VGLL3: variants seen among roughly 807,000 people sequenced by gnomAD.
The protein encoded by VGLL3 is vestigial like family member 3.
Under a neutral mutation model 29.2 loss-of-function variants are expected in VGLL3, and 18 were observed. The observed-to-expected ratio is 0.62, with a 90% CI of 0.43 to 0.91. The LOEUF is 0.91. VGLL3 is among the 40% of genes least tolerant of loss of function. The pLI, the probability that VGLL3 is intolerant of heterozygous loss-of-function variation, is 0.00. For missense variants in VGLL3, 440 were observed against 413.2 expected (o/e 1.06, Z -0.56); for synonymous variants, 180 against 151.8 (o/e 1.19, Z -1.36).
At chr3:86,962,281 T>C (rs1704865600) in intron 3 of VGLL3, 3 of 985,352 alleles carry the variant, frequency 3.0e-6, no homozygotes, top group Non-Finnish European at 3.6e-6. Context: ...AAGAGTGAGC[T>C]CGCATGACAG....
chr3:86,939,408 C>T lies in VGLL3; in HGVS notation c.*7616G>A, dbSNP rs1704345370. On this transcript the variant is annotated 3_prime_UTR_variant, in exon 4 of 4. Coordinates refer to ENST00000398399, the MANE Select transcript of VGLL3 (RefSeq NM_016206.4). ...TTGGGAGGCCAAGGCAGGCAGATCA[C>T]GAGGTCAGGAGACGGAGACCATCCT... The T allele has an allele frequency of 6.6e-6, 1 of 152,284 alleles. No homozygotes were observed. The highest frequency in any genetic ancestry group is 1.5e-5 in the Non-Finnish European group (1 of 68,136). The allele number at this position is 152,284 out of a possible 1,614,324, so 9.4% of individuals were successfully genotyped here. A position where few individuals can be genotyped will look rare whatever the true frequency, so the allele number is the denominator to read the frequency against.
chr3:86,954,174 A>G (rs1397655002), intron 3 of VGLL3, among the ~76,000 whole-genome samples: 1 of 152,236 alleles, frequency 6.6e-6, no homozygotes. Context: ...GAACTTGTCA[A>G]AATGTCTTTA....
Position 86,991,024 on chromosome 3 carries a change from C to T in VGLL3, c.-281G>A. On this transcript the variant is annotated 5_prime_UTR_variant, in exon 1 of 4. Coordinates refer to ENST00000398399, the MANE Select transcript of VGLL3 (RefSeq NM_016206.4). ...GGCTCAGGGACGCAGCCGCCCGCTG[C>T]GCCGCTGGGGCATTACCGCGTCCGG... The T allele has an allele frequency of 1.2e-6, 1 of 809,642 alleles. No homozygotes were observed. Among genetic ancestry groups the T allele is most frequent in the Non-Finnish European group, 1.5e-6 (1 of 663,976 alleles). 50.2% of individuals were successfully genotyped at this position (809,642 alleles called of 1,614,324 possible).
At chr3:86,984,418 A>T (rs900103336) in intron 1 of VGLL3, among the ~76,000 whole-genome samples, 5 of 152,198 alleles carry the variant, frequency 3.3e-5, no homozygotes, top group Admixed American at 3.3e-4. Context: ...TCAAAAAATC[A>T]AACCTAACCC....
intron 3 of VGLL3, among the ~76,000 whole-genome samples, chr3:86,961,587 C>T (rs1704844736): frequency 6.6e-6 from 1 of 152,116 alleles, no homozygotes; most frequent in Non-Finnish European, 1.5e-5. Flanking sequence ...TACACGATCA[C>T]AAATATTTCC....
rs181852557 is a variant in VGLL3, at chr3:86,967,181, A to G, written c.937+1409T>C. On this transcript the variant is annotated intron_variant, in intron 3 of 3. Coordinates refer to ENST00000398399, the MANE Select transcript of VGLL3 (RefSeq NM_016206.4). ...CTAAGAGCATTGTTGCTGTTGCCAC[A>G]TAAGTACCACATAAAACAGAGAAGA... Among the ~76,000 whole-genome samples the G allele has an allele frequency of 1.3e-3, 191 of 152,278 alleles. 4 individuals are homozygous for G. Among genetic ancestry groups the G allele is most frequent in the South Asian group, 0.011 (51 of 4,816 alleles).
At chr3:86,981,916 C>G (rs1450695342) in intron 1 of VGLL3, among the ~76,000 whole-genome samples, 1 of 152,108 alleles carries the variant, frequency 6.6e-6, no homozygotes, top group Non-Finnish European at 1.5e-5. Flanking sequence ...ATAAGAATCT[C>G]AAAGTATCCA....
At chr3:86,988,569 T>C (rs1460295245) in intron 1 of VGLL3, among the ~76,000 whole-genome samples, 2 of 139,146 alleles carry the variant, frequency 1.4e-5, no homozygotes, top group Non-Finnish European at 3.0e-5. Flanking sequence ...AAAAGAACAG[T>C]AGTTACACTG....
At chr3:86,962,599 T>C (rs938689249) in intron 3 of VGLL3, 10 of 958,090 alleles carry the variant, frequency 1.0e-5, no homozygotes, top group Non-Finnish European at 1.1e-5. Flanking sequence ...ATTGCATATA[T>C]ATGCTCTTTG....
chr3:86,988,586 C>CTTTTT (rs575096632), intron 1 of VGLL3, among the ~76,000 whole-genome samples: 1 of 110,226 alleles, frequency 9.1e-6, no homozygotes, highest in Non-Finnish European at 1.8e-5. Flanking sequence ...ACTGTCAAGT[C>CTTTTT]TTTTTTTTTT....
In VGLL3 at chr3:86,943,241, C is replaced by G. The variant is rs943016235; in HGVS notation, c.*3783G>C. Reference sequence around the variant, plus strand: ...AACATATATACTTTCCTTTTTCCACCACTTAACGCCACTGCCCCCATCGGC... The same window carrying G: ...AACATATATACTTTCCTTTTTCCACGACTTAACGCCACTGCCCCCATCGGC... On this transcript the variant is annotated 3_prime_UTR_variant, in exon 4 of 4. Coordinates refer to ENST00000398399, the MANE Select transcript of VGLL3 (RefSeq NM_016206.4). 1 of 152,130 alleles carries G rather than the reference C, an allele frequency of 6.6e-6. No homozygotes were observed. The highest frequency in any genetic ancestry group is 1.5e-5 in the Non-Finnish European group (1 of 68,014). The allele number at this position is 152,130 out of a possible 1,614,324, so 9.4% of individuals were successfully genotyped here.
At chr3:86,956,202 C>T (rs559290349) in intron 3 of VGLL3, among the ~76,000 whole-genome samples, 1 of 152,240 alleles carries the variant, frequency 6.6e-6, no homozygotes, top group South Asian at 2.1e-4. Context: ...TTAGATGCAC[C>T]CCTATATGAC....
chr3:86,985,920 C>T (rs1705431197), intron 1 of VGLL3, among the ~76,000 whole-genome samples: 1 of 152,052 alleles, frequency 6.6e-6, no homozygotes, highest in South Asian at 2.1e-4. Context: ...TGACAGTCAC[C>T]TAGCTTACAA....
At chr3:86,974,799 A>G (rs1016667335) in intron 2 of VGLL3, among the ~76,000 whole-genome samples, 5 of 152,210 alleles carry the variant, frequency 3.3e-5, no homozygotes, top group African/African-American at 1.2e-4. Flanking sequence ...CTTTCTAAGC[A>G]TCATTGCCAT....
rs559777486 is a variant in VGLL3 at position 86,978,706 on chromosome 3, TCTC to T, written c.220_222del (p.Glu74del). 464 of 1,560,054 alleles carry T rather than the reference TCTC, an allele frequency of 3.0e-4. No homozygotes were observed. The highest frequency in any genetic ancestry group is 8.7e-4 in the South Asian group (73 of 84,248). The stretch of plus-strand genomic sequence containing the variant: ...TACTCCATCTCGGCAGGCTGGTCTT[TCTC>T]CTCCTCCTCCTCCTCCTCATCCTCC... On this transcript the variant is annotated inframe_deletion, in exon 2 of 4. Transcript: ENST00000398399.
chr3:86,979,476 T>C (rs1482097418), intron 1 of VGLL3, among the ~76,000 whole-genome samples: 1 of 152,150 alleles, frequency 6.6e-6, no homozygotes, highest in African/African-American at 2.4e-5. Context: ...GTGAAAATAT[T>C]ACAAAATACT....
chr3:86,975,923 C>T (rs1476892903), intron 2 of VGLL3, among the ~76,000 whole-genome samples: 4 of 151,940 alleles, frequency 2.6e-5, no homozygotes, highest in Admixed American at 2.6e-4. Context: ...ACCAGCCTGG[C>T]CAACATGGTG....
rs1449177955 is a variant in VGLL3 at position 86,943,428 on chromosome 3, T to C, written c.*3596A>G. On this transcript the variant is annotated 3_prime_UTR_variant, in exon 4 of 4. Coordinates refer to ENST00000398399, the MANE Select transcript of VGLL3 (RefSeq NM_016206.4). ...GTGACATATTCTGCAAATCTTAGAA[T>C]AGGAATGGGCAAATACTTTTTGTAT... The C allele has an allele frequency of 6.6e-6, 1 of 151,918 alleles. No individual in the cohort carries two copies. The highest frequency in any genetic ancestry group is 1.9e-4 in the East Asian group (1 of 5,182). The allele number at this position is 151,918 out of a possible 1,614,324, so 9.4% of individuals were successfully genotyped here. A position where few individuals can be genotyped will look rare whatever the true frequency, so the allele number is the denominator to read the frequency against.
rs1289230623 is a variant in VGLL3, at chr3:86,938,642, A to G, written c.*8382T>C. 1 of 152,670 alleles carries G rather than the reference A, an allele frequency of 6.6e-6. No homozygotes were observed. The highest frequency in any genetic ancestry group is 1.5e-5 in the Non-Finnish European group (1 of 68,040). 9.5% of individuals were successfully genotyped at this position (152,670 alleles called of 1,614,324 possible). A position where few individuals can be genotyped will look rare whatever the true frequency, so the allele number is the denominator to read the frequency against. ...CAGTTGTGCTTGAGTGTTGTTTCGA[A>G]CAAAGTCTTGCAGCTCATTTATTGA... On this transcript the variant is annotated 3_prime_UTR_variant, in exon 4 of 4. Coordinates refer to ENST00000398399, the MANE Select transcript of VGLL3 (RefSeq NM_016206.4).
Sources: gnomAD v4.1 joint callset for allele counts (sites outside exome capture counted in the v4.1 genomes callset) on GRCh38, gnomAD v4.1.1 for gene constraint, MANE v1.5 for transcripts, NCBI Gene and HGNC (gene_info 2026-07-23, HGNC 2026-07-21) for gene names.